The following TSC22D3 variants were observed in gnomAD, a reference collection of about 807,000 sequenced individuals.
The protein encoded by TSC22D3 is TSC22 domain family member 3, also known as TSC22 domain family protein 3.
Under a neutral mutation model 11.1 loss-of-function variants are expected in TSC22D3, and 4 were observed. That is an observed-to-expected ratio of 0.36 (90% CI 0.18 to 0.83). The LOEUF is 0.83. Ranked by LOEUF, TSC22D3 falls within the 40% of genes least tolerant of loss-of-function variation. TSC22D3 has a pLI of 0.48. For synonymous variants in TSC22D3, 77 were observed against 70.3 expected (o/e 1.10, Z -0.48); for missense variants, 118 against 159.4 (o/e 0.74, Z 1.40).
chrX:107,737,583 CT>C (rs1227665800), intron 1 of TSC22D3, among the ~76,000 whole-genome samples: 1 of 110,833 alleles, frequency 9.0e-6, no homozygotes, highest in African/African-American at 3.3e-5. Context: ...TGCTTTTTTT[CT>C]TTTTTTTCAA....
At chrX:107,748,152 G>A (rs1047249698) in intron 1 of TSC22D3, among the ~76,000 whole-genome samples, 1 of 111,707 alleles carries the variant, frequency 9.0e-6, no homozygotes, top group African/African-American at 3.3e-5. Flanking sequence ...GTAAATAGTG[G>A]AAAACTCAAT....
intron 1 of TSC22D3, among the ~76,000 whole-genome samples, chrX:107,721,227 C>G (rs1927313250): frequency 8.9e-6 from 1 of 111,997 alleles, no homozygotes; most frequent in Non-Finnish European, 1.9e-5. Context: ...GGGCCAATTC[C>G]CTTCATTTCA....
Position 107,775,297 on chromosome X carries a change from G to T in TSC22D3, c.123C>A (p.Gly41=), listed in dbSNP as rs779890824. 1.3e-5 allele frequency: 16 copies of T among 1,210,382 alleles called. No individual in the cohort carries two copies. The highest frequency in any genetic ancestry group is 1.8e-5 in the Non-Finnish European group (16 of 895,277). The part of the protein sequence containing the change: ...RGSSGENNNP[G]SPTVSNFRQL... ...GCCGAAAGTTGCTCACTGTAGGGCT[G>T]CCCGGGTTGTTGTTCTCCCCGCTGC... Residue 41 remains glycine, a synonymous_variant, in exon 1 of 3, where the codon GGC becomes GGA. Coordinates refer to ENST00000372383, the MANE Select transcript of TSC22D3 (RefSeq NM_198057.3).
intron 1 of TSC22D3, among the ~76,000 whole-genome samples, chrX:107,760,827 T>C (rs1304425133): frequency 1.8e-5 from 2 of 112,273 alleles, no homozygotes; most frequent in African/African-American, 6.5e-5. Flanking sequence ...GTGTTCTCAG[T>C]CATTTATACC....
rs143004186 is a variant in TSC22D3, at chrX:107,731,294, C to T, written c.321-15344G>A. Among the ~76,000 whole-genome samples the T allele has an allele frequency of 1.7e-3, 191 of 111,603 alleles. 1 individual carries two copies. The highest frequency in any genetic ancestry group is 2.8e-3 in the Non-Finnish European group (150 of 53,160). ...GAATACTACGCTCTTATGCTTGTGC[C>T]GTATTCTTCCAGAGCACGGTGGAAA... On this transcript the variant is annotated intron_variant, in intron 1 of 2. Transcript: ENST00000372383.
At chrX:107,766,465 C>T (rs1247390716) in intron 1 of TSC22D3, among the ~76,000 whole-genome samples, 1 of 74,253 alleles carries the variant, frequency 1.3e-5, no homozygotes, top group African/African-American at 6.2e-5. Flanking sequence ...CCCCCCCCAA[C>T]AACTCCCCCC....
chrX:107,737,154 C>T (rs1928177233), intron 1 of TSC22D3, among the ~76,000 whole-genome samples: 1 of 111,899 alleles, frequency 8.9e-6, no homozygotes. Context: ...GTTGCAAAGG[C>T]CAGACCACGG....
At chrX:107,745,540 A>G (rs1262231351) in intron 1 of TSC22D3, among the ~76,000 whole-genome samples, 1 of 112,501 alleles carries the variant, frequency 8.9e-6, no homozygotes, top group Non-Finnish European at 1.9e-5. Context: ...TACCTAAAAT[A>G]CCCTTCAAAT....
At position 107,775,558 on chromosome X, in the gene TSC22D3, A is replaced by C; in HGVS notation, c.-139T>G. The C allele has an allele frequency of 2.1e-6, 1 of 479,778 alleles. No homozygotes were observed. Among genetic ancestry groups the C allele is most frequent in the South Asian group, 3.6e-5 (1 of 28,067 alleles). 39.5% of individuals were successfully genotyped at this position (479,778 alleles called of 1,213,427 possible). ...GAAAAGAGTTGGAAATTAGCGCCTA[A>C]AGCCAGCCACCTTCGGCTCGGCCCC... is the stretch of plus-strand genomic sequence containing the variant. On this transcript the variant is annotated 5_prime_UTR_variant, in exon 1 of 3. Transcript: ENST00000372383.
chrX:107,716,115 G>T, intron 1 of TSC22D3, 165 bp from the exon 2 acceptor site: 1 of 640,467 alleles, frequency 1.6e-6, no homozygotes, highest in Non-Finnish European at 2.3e-6. Context: ...TCCTTCCTTG[G>T]CCCCTGCAGG....
intron 1 of TSC22D3, among the ~76,000 whole-genome samples, chrX:107,740,955 T>C (rs1247430158): frequency 2.7e-5 from 3 of 109,377 alleles, no homozygotes; most frequent in Non-Finnish European, 3.8e-5. Flanking sequence ...ATGACAGGCA[T>C]TGGGAGTAGG....
chrX:107,745,329 C>T lies in TSC22D3; in HGVS notation c.321-29379G>A, dbSNP rs749702436. Among the ~76,000 whole-genome samples the T allele has an allele frequency of 2.7e-5, 3 of 112,131 alleles. No homozygotes were observed. The South Asian group carries it at 1.1e-3, about 42-fold the overall frequency. On this transcript the variant is annotated intron_variant, in intron 1 of 2. Coordinates refer to ENST00000372383, the MANE Select transcript of TSC22D3 (RefSeq NM_198057.3). ...TTCCTTTCCAGAAGTGGCAGTCTCC[C>T]CGAATCTGGCCACTTGACTACATCA...
At chrX:107,759,380 A>G (rs747941796) in intron 1 of TSC22D3, among the ~76,000 whole-genome samples, 100 of 111,913 alleles carry the variant, frequency 8.9e-4, no homozygotes, top group Non-Finnish European at 6.8e-4. Context: ...AAGACTTTAG[A>G]AACATAGTCT....
intron 2 of TSC22D3, among the ~76,000 whole-genome samples, chrX:107,715,531 C>T (rs1165759632): frequency 8.9e-6 from 1 of 112,452 alleles, no homozygotes. Flanking sequence ...CCAGTCCAGG[C>T]TCTGCAGAGG....
rs761533844 is a variant in TSC22D3, at chrX:107,714,922, CT to C, written c.373-174del. 6.4e-3 allele frequency among the ~76,000 whole-genome samples: 721 copies of C among 112,118 alleles called. 8 individuals are homozygous for C. Among genetic ancestry groups the C allele is most frequent in the African/African-American group, 0.022 (678 of 30,807 alleles). ...TCCTCGTTCACCTTTCTCTGAAGCA[CT>C]TAAACCCTCATTCAGGAGAGCTACA... On this transcript the variant is annotated intron_variant, in intron 2 of 2. Transcript: ENST00000372383.
intron 1 of TSC22D3, among the ~76,000 whole-genome samples, chrX:107,746,379 C>T (rs1928655357): frequency 9.0e-6 from 1 of 111,557 alleles, no homozygotes; most frequent in African/African-American, 3.3e-5. Context: ...CAGACATATA[C>T]ACTCTCACTA....
chrX:107,715,366 C>T (rs1926956903), intron 2 of TSC22D3, among the ~76,000 whole-genome samples: 1 of 112,092 alleles, frequency 8.9e-6, no homozygotes, highest in African/African-American at 3.3e-5. Flanking sequence ...GGGAAGGTGT[C>T]CTTAAGCTCC....
chrX:107,755,621 G>T (rs758004348), intron 1 of TSC22D3, among the ~76,000 whole-genome samples: 1 of 112,262 alleles, frequency 8.9e-6, no homozygotes, highest in Non-Finnish European at 1.9e-5. Context: ...GTAGAAGTGG[G>T]AACTCTCTTG....
intron 1 of TSC22D3, among the ~76,000 whole-genome samples, chrX:107,748,461 G>T (rs550063134): frequency 9.0e-6 from 1 of 111,716 alleles, no homozygotes; most frequent in Non-Finnish European, 1.9e-5. Flanking sequence ...AGGAAAAATC[G>T]CTGCCTCCTT....
Sources: allele counts gnomAD v4.1 joint callset (sites outside exome capture counted in the v4.1 genomes callset), GRCh38; gene constraint gnomAD v4.1.1; transcripts MANE v1.5; gene names NCBI Gene and HGNC (gene_info 2026-07-23, HGNC 2026-07-21).